Variants in SLC25A48 observed in about 807,000 individuals in gnomAD.
The protein encoded by SLC25A48 is CTC-321K16.1.
SLC25A48 carries 29 observed loss-of-function variants against 32.2 expected under a neutral mutation model. The observed-to-expected ratio is 0.90, with a 90% CI of 0.67 to 1.23. The LOEUF (loss-of-function observed/expected upper bound fraction) is 1.23, where lower values mean the gene tolerates loss of function less well. Among genes scored for constraint, SLC25A48 ranks in the 50% most tolerant of loss-of-function variants. The pLI is 0.00. For synonymous variants in SLC25A48, 164 were observed against 172.3 expected (o/e 0.95, Z 0.38); for missense variants, 399 against 422.7 (o/e 0.94, Z 0.49).
intron 3 of SLC25A48, among the ~76,000 whole-genome samples, chr5:135,665,824 A>G (rs370854063): frequency 1.4e-4 from 21 of 151,038 alleles, no homozygotes; most frequent in African/African-American, 3.9e-4. Context: ...AGCTTCCGTG[A>G]GGCCTCTTTG....
At chr5:135,716,123 A>C (rs1179197149) in intron 3 of SLC25A48, among the ~76,000 whole-genome samples, 1 of 152,078 alleles carries the variant, frequency 6.6e-6, no homozygotes, top group Non-Finnish European at 1.5e-5. Flanking sequence ...AAAAATTCTC[A>C]CTGTTGACAA....
At chr5:135,774,043 T>C (rs942252406) in intron 3 of SLC25A48, among the ~76,000 whole-genome samples, 10 of 150,952 alleles carry the variant, frequency 6.6e-5, no homozygotes, top group African/African-American at 2.2e-4. Flanking sequence ...CCTCCCAAAA[T>C]AGCAGGGGGT....
intron 3 of SLC25A48, among the ~76,000 whole-genome samples, chr5:135,641,853 G>A (rs901884529): frequency 1.3e-5 from 2 of 152,184 alleles, no homozygotes; most frequent in African/African-American, 2.4e-5. Context: ...GCTGCTAGTC[G>A]CAGAGTGCTC....
chr5:135,770,998 T>A (rs1756394358), intron 3 of SLC25A48, among the ~76,000 whole-genome samples: 1 of 151,856 alleles, frequency 6.6e-6, no homozygotes, highest in Admixed American at 6.6e-5. Flanking sequence ...GAAAAGAAGA[T>A]GATATTACTC....
intron 4 of SLC25A48, among the ~76,000 whole-genome samples, chr5:135,862,258 A>G (rs1048452746): frequency 2.0e-5 from 3 of 152,170 alleles, no homozygotes; most frequent in Non-Finnish European, 4.4e-5. Flanking sequence ...CTCCTCCCCC[A>G]TCTGGGAGTG....
intron 3 of SLC25A48, among the ~76,000 whole-genome samples, chr5:135,783,204 A>T (rs547988341): frequency 8.3e-6 from 1 of 120,942 alleles, no homozygotes; most frequent in East Asian, 2.1e-4. Context: ...CCTAATATTT[A>T]GTGAGGGAAA....
At chr5:135,643,526 C>T (rs1394243106) in intron 3 of SLC25A48, among the ~76,000 whole-genome samples, 1 of 152,216 alleles carries the variant, frequency 6.6e-6, no homozygotes, top group Non-Finnish European at 1.5e-5. Context: ...GGGCCTTGCT[C>T]TCCTGCAATG....
At chr5:135,813,749 A>T (rs1757645428) in intron 4 of SLC25A48, among the ~76,000 whole-genome samples, 1 of 152,212 alleles carries the variant, frequency 6.6e-6, no homozygotes, top group South Asian at 2.1e-4. Flanking sequence ...TTCAGGCAGA[A>T]ATCCTGGGCG....
At chr5:135,791,386 G>C (rs945992909) in intron 3 of SLC25A48, among the ~76,000 whole-genome samples, 1 of 151,662 alleles carries the variant, frequency 6.6e-6, no homozygotes, top group African/African-American at 2.4e-5. Context: ...ATGTCACAGC[G>C]GGTGTAAACC....
chr5:135,787,597 A>T (rs1329420498), intron 3 of SLC25A48, among the ~76,000 whole-genome samples: 1 of 152,034 alleles, frequency 6.6e-6, no homozygotes, highest in South Asian at 2.1e-4. Flanking sequence ...GTAATTTTCT[A>T]GGGGGATGTT....
chr5:135,797,901 A>G (rs1315372771), intron 3 of SLC25A48, among the ~76,000 whole-genome samples: 2 of 151,822 alleles, frequency 1.3e-5, no homozygotes, highest in Non-Finnish European at 2.9e-5. Context: ...CCTAATATCC[A>G]TGAGAAAGAG....
intron 3 of SLC25A48, among the ~76,000 whole-genome samples, chr5:135,637,753 C>G (rs1015618291): frequency 1.3e-5 from 2 of 152,148 alleles, no homozygotes; most frequent in Non-Finnish European, 2.9e-5. Flanking sequence ...AAGGTGGCAT[C>G]CTCAGCCTCC....
chr5:135,701,073 C>G (rs1220744039), intron 3 of SLC25A48, among the ~76,000 whole-genome samples: 2 of 152,178 alleles, frequency 1.3e-5, no homozygotes, highest in East Asian at 3.9e-4. Context: ...GCAGCTCTCC[C>G]CACTCCTAGA....
chr5:135,879,603 A>AGT (rs1401571630), intron 6 of SLC25A48, among the ~76,000 whole-genome samples: 14 of 130,050 alleles, frequency 1.1e-4, no homozygotes, highest in African/African-American at 3.4e-4. Flanking sequence ...AGAGAGAGAG[A>AGT]GAGAGAGAGT....
Position 135,600,340 on chromosome 5 carries a change from A to G in SLC25A48, c.-849+20743A>G, listed in dbSNP as rs538512323. On this transcript the variant is annotated intron_variant, in intron 1 of 10. Coordinates refer to the SLC25A48 transcript ENST00000646290. Reference sequence around the variant, plus strand: ...TGCTCACTGCCCAAGCCCCAAGGCTATAAGTTTGTGGATTTTGAGGATCCA... The same window carrying G: ...TGCTCACTGCCCAAGCCCCAAGGCTGTAAGTTTGTGGATTTTGAGGATCCA... Among the ~76,000 whole-genome samples the G allele has an allele frequency of 3.3e-5, 5 of 152,332 alleles. No individual in the cohort carries two copies. The South Asian group carries it at 1.0e-3, about 32-fold the overall frequency.
chr5:135,682,689 A>G (rs1441896267), intron 3 of SLC25A48, among the ~76,000 whole-genome samples: 1 of 152,200 alleles, frequency 6.6e-6, no homozygotes, highest in Non-Finnish European at 1.5e-5. Flanking sequence ...GCTCTGAGCT[A>G]TCAATCCTTG....
At chr5:135,640,937 A>G (rs1400684386) in intron 3 of SLC25A48, among the ~76,000 whole-genome samples, 2 of 152,226 alleles carry the variant, frequency 1.3e-5, no homozygotes, top group African/African-American at 4.8e-5. Context: ...GATCAGGAAT[A>G]AGACAAGGAT....
intron 1 of SLC25A48, among the ~76,000 whole-genome samples, chr5:135,624,052 C>A (rs1002410727): frequency 6.6e-6 from 1 of 152,054 alleles, no homozygotes; most frequent in Non-Finnish European, 1.5e-5. Flanking sequence ...CGGGTGGGAG[C>A]GGGGGGTTGG....
chr5:135,695,086 A>G (rs1057300157), intron 3 of SLC25A48, among the ~76,000 whole-genome samples: 2 of 151,976 alleles, frequency 1.3e-5, no homozygotes, highest in Non-Finnish European at 2.9e-5. Flanking sequence ...TTCCTGCCTC[A>G]CCTCGGGCAG....
Sources: gnomAD v4.1 joint callset for allele counts (sites outside exome capture counted in the v4.1 genomes callset) on GRCh38, gnomAD v4.1.1 for gene constraint, MANE v1.5 for transcripts, NCBI Gene and HGNC (gene_info 2026-07-23, HGNC 2026-07-21) for gene names.